AKNAD1: variants seen among roughly 807,000 people sequenced by gnomAD.
AKNAD1 encodes AKNA domain containing 1, also known as protein AKNAD1.
Under a neutral mutation model 90.8 loss-of-function variants are expected in AKNAD1, and 67 were observed. The observed-to-expected ratio is 0.74, with a 90% confidence interval of 0.61 to 0.90. The LOEUF (loss-of-function observed/expected upper bound fraction) is 0.90, where lower values mean the gene tolerates loss of function less well. Among genes scored for constraint, AKNAD1 ranks in the 40% least tolerant of loss-of-function variants. The pLI is 0.00. For synonymous variants in AKNAD1, 327 were observed against 341.4 expected (o/e 0.96, Z 0.46); for missense variants, 957 against 975.4 (o/e 0.98, Z 0.25).
At position 108,830,884 on chromosome 1, in the gene AKNAD1, A is replaced by G. The variant is rs1034942034; in HGVS notation, c.1747-234T>C. 6.5e-5 allele frequency: 38 copies of G among 586,906 alleles called. No individual in the cohort carries two copies. In the Middle Eastern group the frequency reaches 1.4e-3, roughly 21 times the overall value. 36.4% of individuals were successfully genotyped at this position (586,906 alleles called of 1,614,324 possible). On this transcript the variant is annotated intron_variant, in intron 9 of 15. Transcript: ENST00000370001. ...TCACTCAGTCGGGGCTGCGCCTCTA[A>G]TGGCCTGGGCTGAAGAATGGAAGTT...
At chr1:108,856,718 T>TAAA (rs1287589720) in intron 1 of AKNAD1, among the ~76,000 whole-genome samples, 63 of 142,932 alleles carry the variant, frequency 4.4e-4, no homozygotes, top group South Asian at 1.7e-3. Context: ...TCTCTCTCTC[T>TAAA]CACACACACA....
At chr1:108,854,290 G>A (rs1664968407) in intron 1 of AKNAD1, among the ~76,000 whole-genome samples, 1 of 152,192 alleles carries the variant, frequency 6.6e-6, no homozygotes, top group African/African-American at 2.4e-5. Flanking sequence ...GTTTTAAGTA[G>A]AGTAACTGAG....
intron 13 of AKNAD1, among the ~76,000 whole-genome samples, chr1:108,822,877 T>C (rs929537648): frequency 1.4e-4 from 22 of 152,222 alleles, no homozygotes; most frequent in African/African-American, 5.3e-4. Flanking sequence ...ATGTCATTCA[T>C]CTTTTTAAAT....
At chr1:108,857,994 A>G (rs536079487), upstream of AKNAD1, 1 of 152,766 alleles carries the variant, frequency 6.5e-6, no homozygotes, top group South Asian at 2.1e-4. Context: ...TTCAAACAGC[A>G]CAATGCTACA....
chr1:108,852,608 A>G lies in AKNAD1; in HGVS notation c.57T>C (p.Tyr19=), dbSNP rs142279898. The change falls in exon 2 of 16, where the codon TAT becomes TAC. Residue 19 remains tyrosine (Y), a synonymous_variant. Transcript: ENST00000370001. The part of the protein sequence containing the change: ...HTTYKQEDLP[Y]DGDLSQIKIG... ...TCTTAATCTGAGAGAGGTCCCCATC[A>G]TAAGGCAAATCCTCCTGCTTATAAG... 1,061 of 1,609,756 alleles carry G rather than the reference A, an allele frequency of 6.6e-4. 7 individuals carry two copies. In the African/African-American group the frequency reaches 0.012, roughly 19 times the overall value.
In AKNAD1 at chr1:108,823,660, A is replaced by G; in HGVS notation, c.1965T>C (p.Ser655=). 1 of 1,614,196 alleles carries G rather than the reference A, an allele frequency of 6.2e-7. No homozygotes were observed. The highest frequency in any genetic ancestry group is 8.5e-7 in the Non-Finnish European group (1 of 1,180,024). Residue 655 remains serine (S), a synonymous_variant, in exon 12 of 16, where the codon TCT becomes TCC. Coordinates refer to ENST00000370001, the MANE Select transcript of AKNAD1 (RefSeq NM_152763.5). The part of the protein sequence containing the change: ...PNSDTGHSFC[S]DSGTEMQSNK... ...TACTCTGCATTTCAGTGCCAGAATC[A>G]GAACAGAAGCTGTGTCCTGTATCAG...
intron 13 of AKNAD1, among the ~76,000 whole-genome samples, chr1:108,822,601 A>G (rs753397019): frequency 2.0e-5 from 3 of 152,190 alleles, no homozygotes; most frequent in Non-Finnish European, 4.4e-5. Context: ...GGCACTGACC[A>G]TCAAGAAAGA....
At chr1:108,843,890 T>G (rs1338258452) in intron 5 of AKNAD1, among the ~76,000 whole-genome samples, 1 of 152,140 alleles carries the variant, frequency 6.6e-6, no homozygotes, top group East Asian at 1.9e-4. Context: ...ACTGTGCGGG[T>G]TAGGGGCATG....
chr1:108,852,107 A>G lies in AKNAD1; in HGVS notation c.558T>C (p.Ser186=). The G allele has an allele frequency of 5.0e-6, 8 of 1,614,216 alleles. No homozygotes were observed. The highest frequency in any genetic ancestry group is 6.8e-6 in the Non-Finnish European group (8 of 1,180,040). The change falls in exon 2 of 16, where the codon TCT becomes TCC. Residue 186 remains serine (S), a synonymous_variant. Transcript: ENST00000370001. ...AGGTATTTTCCTCTGTCGTGGTGGC[A>G]GAACCAGGCTTATTGCTGTTTTCAC... is the stretch of plus-strand genomic sequence containing the variant. ...RDGENSNKPG[S]ATTTEENTSD... is the part of the protein sequence containing the mutation.
intron 2 of AKNAD1, among the ~76,000 whole-genome samples, chr1:108,850,543 G>T (rs1393389470): frequency 6.6e-6 from 1 of 152,132 alleles, no homozygotes; most frequent in East Asian, 1.9e-4. Context: ...TGGGCTGTTG[G>T]CTCAGGTTTG....
At chr1:108,831,149 C>T (rs1373445448) in intron 9 of AKNAD1, among the ~76,000 whole-genome samples, 1 of 152,222 alleles carries the variant, frequency 6.6e-6, no homozygotes, top group Non-Finnish European at 1.5e-5. Flanking sequence ...GGTTTAGGGA[C>T]TGTCTGGGGG....
intron 1 of AKNAD1, among the ~76,000 whole-genome samples, chr1:108,853,047 C>T (rs1664918564): frequency 6.6e-6 from 1 of 151,796 alleles, no homozygotes; most frequent in African/African-American, 2.4e-5. Flanking sequence ...AAATACTTAT[C>T]AACCTCCCTT....
In AKNAD1 at chr1:108,817,141, G is replaced by T. The variant is rs776895818; in HGVS notation, c.2286C>A (p.Asp762Glu). The T allele has an allele frequency of 3.1e-6, 5 of 1,614,146 alleles. No individual in the cohort carries two copies. The highest frequency in any genetic ancestry group is 4.2e-6 in the Non-Finnish European group (5 of 1,180,022). Reference sequence around the variant, plus strand: ...AGAAATGGGGTGAGGGTGTTGCAGGGTCTGAGCTGTAGGTCATGAAAGCCT... The same window carrying T: ...AGAAATGGGGTGAGGGTGTTGCAGGTTCTGAGCTGTAGGTCATGAAAGCCT... ...KLQAFMTYSS[D>E]PATPSPHFYS... The change falls in exon 15 of 16, where the codon GAC becomes GAA. Residue 762 changes from aspartate (D) to glutamate (E), a missense_variant. Physicochemically the swap from Asp to Glu is conservative, Grantham distance 45. Coordinates refer to ENST00000370001, the MANE Select transcript of AKNAD1 (RefSeq NM_152763.5).
intron 5 of AKNAD1, among the ~76,000 whole-genome samples, chr1:108,846,934 A>C (rs187838088): frequency 6.6e-6 from 1 of 152,074 alleles, no homozygotes; most frequent in Non-Finnish European, 1.5e-5. Context: ...TTGGTTACCC[A>C]AGCCAGAAAT....
At chr1:108,821,471 AG>A (rs1287188342) in intron 13 of AKNAD1, among the ~76,000 whole-genome samples, 2 of 152,290 alleles carry the variant, frequency 1.3e-5, no homozygotes, top group Middle Eastern at 3.4e-3. Context: ...ACAACAAAAA[AG>A]GTTTTATTAG....
intron 5 of AKNAD1, among the ~76,000 whole-genome samples, chr1:108,846,714 C>T (rs1288546189): frequency 1.3e-5 from 2 of 152,194 alleles, no homozygotes; most frequent in African/African-American, 4.8e-5. Flanking sequence ...TCCACTCCAG[C>T]GTCAACTCAC....
chr1:108,851,646 T>C lies in AKNAD1; in HGVS notation c.993+26A>G, dbSNP rs775886264. ...AGATAAGCAGTGGTCCCAATTAATG[T>C]GTTTACAGGAGACTGTTTCATTTAC... On this transcript the variant is annotated intron_variant, in intron 2 of 15. Coordinates refer to ENST00000370001, the MANE Select transcript of AKNAD1 (RefSeq NM_152763.5). 2.6e-6 allele frequency: 4 copies of C among 1,533,004 alleles called. No individual in the cohort carries two copies. The South Asian group carries it at 5.3e-5, about 20-fold the overall frequency. 95.0% of individuals were successfully genotyped at this position (1,533,004 alleles called of 1,614,324 possible). A position where few individuals can be genotyped will look rare whatever the true frequency, so the allele number is the denominator to read the frequency against.
At chr1:108,847,107 T>C (rs1360848693) in intron 5 of AKNAD1, among the ~76,000 whole-genome samples, 6 of 152,096 alleles carry the variant, frequency 3.9e-5, no homozygotes, top group South Asian at 2.1e-4. Context: ...CCAATCTCTG[T>C]GCCTTCAGCC....
At chr1:108,853,309 T>G (rs1413482885) in intron 1 of AKNAD1, among the ~76,000 whole-genome samples, 1 of 151,904 alleles carries the variant, frequency 6.6e-6, no homozygotes, top group Non-Finnish European at 1.5e-5. Flanking sequence ...TTTTTTGTAT[T>G]TTTAGTAGAG....
Sources: gnomAD v4.1 joint callset for allele counts (sites outside exome capture counted in the v4.1 genomes callset) on GRCh38, gnomAD v4.1.1 for gene constraint, MANE v1.5 for transcripts, NCBI Gene and HGNC (gene_info 2026-07-23, HGNC 2026-07-21) for gene names.